Variants in GALNT17 observed in about 807,000 individuals in gnomAD.
GALNT17 encodes the protein UDP-GalNAc:polypeptide N-acetylgalactosaminyltransferase-like 3.
Under a neutral mutation model 63.7 loss-of-function variants are expected in GALNT17, and 29 were observed. The ratio of observed to expected loss-of-function variants is 0.46; its 90% CI spans 0.34 to 0.62. GALNT17 has a LOEUF of 0.62. Among genes scored for constraint, GALNT17 ranks in the 20% least tolerant of loss-of-function variants. The pLI, the probability that GALNT17 is intolerant of heterozygous loss-of-function variation, is 0.01. For synonymous variants in GALNT17, 305 were observed against 318.3 expected (o/e 0.96, Z 0.45); for missense variants, 603 against 799.6 (o/e 0.75, Z 2.97).
chr7:71,679,271 G>C (rs1037810259), intron 9 of GALNT17, among the ~76,000 whole-genome samples: 3 of 152,026 alleles, frequency 2.0e-5, no homozygotes, highest in African/African-American at 7.2e-5. Flanking sequence ...AAATGAGTTG[G>C]GCGTGGTGGC....
rs115719926 is a variant in GALNT17, at chr7:71,430,172, A to T, written c.962+9067A>T. ...CCACCAGGATTTCTTGACAAAAAAA[A>T]CTACCATAAATTCAGTTGTGTTTTG... On this transcript the variant is annotated intron_variant, in intron 5 of 10. Transcript: ENST00000333538. Among the ~76,000 whole-genome samples, 1,519 of 152,262 alleles carry T rather than the reference A, an allele frequency of 1.0e-2. 29 individuals are homozygous for T. The highest frequency in any genetic ancestry group is 0.035 in the African/African-American group (1,462 of 41,550).
At chr7:71,274,057 C>G (rs1790640833) in intron 1 of GALNT17, among the ~76,000 whole-genome samples, 1 of 152,198 alleles carries the variant, frequency 6.6e-6, no homozygotes, top group Non-Finnish European at 1.5e-5. Flanking sequence ...TAAACCAGCC[C>G]TCTGGGTAGG....
chr7:71,224,668 C>T (rs1789649278), intron 1 of GALNT17, among the ~76,000 whole-genome samples: 1 of 152,112 alleles, frequency 6.6e-6, no homozygotes, highest in African/African-American at 2.4e-5. Flanking sequence ...TGCAAGGAAG[C>T]TGCCAGAGGA....
intron 4 of GALNT17, among the ~76,000 whole-genome samples, chr7:71,416,976 A>C (rs1204942176): frequency 6.6e-6 from 1 of 152,214 alleles, no homozygotes; most frequent in Non-Finnish European, 1.5e-5. Context: ...CAAAAATGCC[A>C]GAATCATGTT....
At position 71,712,347 on chromosome 7, in the gene GALNT17, G is replaced by T; in HGVS notation, c.*201G>T. 1.9e-6 allele frequency: 1 copy of T among 531,654 alleles called. No individual in the cohort carries two copies. The highest frequency in any genetic ancestry group is 3.2e-6 in the Non-Finnish European group (1 of 315,300). The allele number at this position is 531,654 out of a possible 1,614,324, so 32.9% of individuals were successfully genotyped here. ...GCATTCAGCTGCCCACAAGTTTCCT[G>T]CACCCTGGAAAAGCCCCCCACCCTT... On this transcript the variant is annotated 3_prime_UTR_variant, in exon 11 of 11. Transcript: ENST00000333538.
intron 5 of GALNT17, among the ~76,000 whole-genome samples, chr7:71,434,257 TA>T (rs1040454671): frequency 6.6e-6 from 1 of 152,166 alleles, no homozygotes; most frequent in African/African-American, 2.4e-5. Context: ...AACTCCCCTT[TA>T]TATATACATC....
chr7:71,625,697 T>A (rs1790363896), intron 6 of GALNT17, among the ~76,000 whole-genome samples: 1 of 152,096 alleles, frequency 6.6e-6, no homozygotes. Context: ...CTTTTCCAGT[T>A]TATGAAACAC....
rs28489535 is a variant in GALNT17 at position 71,397,995 on chromosome 7, G to A, written c.589+9594G>A. 2.2e-4 allele frequency among the ~76,000 whole-genome samples: 33 copies of A among 151,794 alleles called. No homozygotes were observed. In the East Asian group the frequency reaches 5.6e-3, roughly 26 times the overall value. On this transcript the variant is annotated intron_variant, in intron 3 of 10. Coordinates refer to ENST00000333538, the MANE Select transcript of GALNT17 (RefSeq NM_022479.3). ...TGTTGTTGTTTTAGAAGAACCAAAGGCATTCTGATTTCCTGGTTTTTTGCA... is the reference window on the plus strand; with the variant it reads ...TGTTGTTGTTTTAGAAGAACCAAAGACATTCTGATTTCCTGGTTTTTTGCA...
intron 6 of GALNT17, among the ~76,000 whole-genome samples, chr7:71,600,056 G>T (rs754445644): frequency 3.0e-4 from 45 of 151,758 alleles, no homozygotes; most frequent in Non-Finnish European, 1.8e-4. Flanking sequence ...TGGGAACCAT[G>T]GATTTAGAAC....
intron 5 of GALNT17, among the ~76,000 whole-genome samples, chr7:71,516,040 C>T (rs764740966): frequency 5.3e-5 from 8 of 151,946 alleles, no homozygotes; most frequent in Non-Finnish European, 1.0e-4. Context: ...ATCTTGCAAT[C>T]GGTCAACTGC....
intron 1 of GALNT17, among the ~76,000 whole-genome samples, chr7:71,248,918 C>G (rs1790147936): frequency 2.0e-5 from 3 of 152,176 alleles, no homozygotes. Flanking sequence ...CTCTTTGTAC[C>G]ATCTTCTTGC....
intron 6 of GALNT17, among the ~76,000 whole-genome samples, chr7:71,614,841 GGAGA>G (rs1241171921): frequency 2.1e-5 from 3 of 140,208 alleles, no homozygotes; most frequent in Non-Finnish European, 4.6e-5. Flanking sequence ...GAAACAAAGA[GGAGA>G]GAGAAAGAAA....
intron 1 of GALNT17, among the ~76,000 whole-genome samples, chr7:71,323,261 T>C (rs1324651394): frequency 1.3e-5 from 2 of 152,150 alleles, no homozygotes; most frequent in Non-Finnish European, 1.5e-5. Context: ...AAACCAGGAA[T>C]GCAGTGTACC....
chr7:71,392,724 A>C (rs141782448), intron 3 of GALNT17, among the ~76,000 whole-genome samples: 23 of 152,158 alleles, frequency 1.5e-4, no homozygotes, highest in African/African-American at 5.3e-4. Context: ...TCCATTCATC[A>C]TCCTCCTCCT....
At chr7:71,379,127 C>T (rs10440951) in intron 2 of GALNT17, among the ~76,000 whole-genome samples, 8,378 of 152,180 alleles carry the variant, frequency 0.055, 685 homozygotes, top group African/African-American at 0.18. Context: ...GGAGAAGTGC[C>T]TGATACCAGG....
At chr7:71,502,139 A>G (rs1278458994) in intron 5 of GALNT17, among the ~76,000 whole-genome samples, 1 of 152,238 alleles carries the variant, frequency 6.6e-6, no homozygotes, top group Non-Finnish European at 1.5e-5. Context: ...AAAGAAGCAA[A>G]TTAATTTCAT....
intron 1 of GALNT17, among the ~76,000 whole-genome samples, chr7:71,245,866 C>A (rs1419826796): frequency 8.7e-6 from 1 of 115,594 alleles, no homozygotes. Context: ...TTTTTTTTTG[C>A]AAAGGTATCT....
At chr7:71,660,068 G>C (rs1790884047) in intron 6 of GALNT17, among the ~76,000 whole-genome samples, 1 of 152,150 alleles carries the variant, frequency 6.6e-6, no homozygotes, top group Non-Finnish European at 1.5e-5. Flanking sequence ...TCCACTTCAT[G>C]ACAGCAAGGA....
chr7:71,487,574 C>T (rs1345747070), intron 5 of GALNT17, among the ~76,000 whole-genome samples: 1 of 152,058 alleles, frequency 6.6e-6, no homozygotes, highest in Non-Finnish European at 1.5e-5. Flanking sequence ...GAGTTTGAGA[C>T]CAGTGTGGGC....
Sources: gnomAD v4.1 joint callset for allele counts (sites outside exome capture counted in the v4.1 genomes callset) on GRCh38, gnomAD v4.1.1 for gene constraint, MANE v1.5 for transcripts, NCBI Gene and HGNC (gene_info 2026-07-23, HGNC 2026-07-21) for gene names.